Variants in GRID1 observed in about 807,000 individuals in gnomAD.
The protein encoded by GRID1 is glutamate receptor ionotropic, delta-1.
Under a neutral mutation model 98.0 loss-of-function variants are expected in GRID1, and 28 were observed. The ratio of observed to expected loss-of-function variants is 0.29; its 90% CI spans 0.21 to 0.39. The LOEUF is 0.39. Among genes scored for constraint, GRID1 ranks in the 10% least tolerant of loss-of-function variants. The pLI is 1.00. For synonymous variants in GRID1, 553 were observed against 538.5 expected (o/e 1.03, Z -0.37); for missense variants, 1,111 against 1,340.5 (o/e 0.83, Z 2.67).
intron 4 of GRID1, among the ~76,000 whole-genome samples, chr10:86,098,854 T>C (rs1026403679): frequency 7.2e-5 from 11 of 152,248 alleles, no homozygotes; most frequent in Admixed American, 1.3e-4. Flanking sequence ...ATCAGTGTCA[T>C]ACTTAAGCTT....
At chr10:85,873,881 T>C (rs2131797060) in intron 5 of GRID1, among the ~76,000 whole-genome samples, 1 of 152,366 alleles carries the variant, frequency 6.6e-6, no homozygotes, top group East Asian at 1.9e-4. Flanking sequence ...ATAATTCCAA[T>C]ACTCACCACC....
intron 9 of GRID1, 59 bp from the exon 10 acceptor site, chr10:85,728,111 C>A: frequency 8.7e-7 from 1 of 1,154,416 alleles, no homozygotes; most frequent in South Asian, 1.2e-5. Flanking sequence ...ACACATATTT[C>A]CAGTGTAATG....
chr10:86,238,224 C>A (rs1417114998), intron 2 of GRID1, among the ~76,000 whole-genome samples: 2 of 152,226 alleles, frequency 1.3e-5, no homozygotes, highest in Admixed American at 6.5e-5. Context: ...ATTTCAGAGA[C>A]CTTTGCAGCA....
chr10:86,110,509 G>A (rs1190156135), intron 4 of GRID1, among the ~76,000 whole-genome samples: 3 of 152,164 alleles, frequency 2.0e-5, no homozygotes, highest in African/African-American at 7.2e-5. Flanking sequence ...AAGAGGCAAT[G>A]GGGGGAAAGC....
chr10:85,856,762 T>C (rs1425646361), intron 6 of GRID1, among the ~76,000 whole-genome samples: 3 of 152,194 alleles, frequency 2.0e-5, no homozygotes, highest in Non-Finnish European at 4.4e-5. Flanking sequence ...CAATAAAACA[T>C]TATTTTCCAA....
chr10:85,839,251 A>T (rs1842940434), intron 8 of GRID1, among the ~76,000 whole-genome samples: 1 of 152,046 alleles, frequency 6.6e-6, no homozygotes. Context: ...GAGGAAATTA[A>T]GATATTCAAG....
chr10:86,050,895 T>TAAA (rs34448773), intron 4 of GRID1, among the ~76,000 whole-genome samples: 1 of 129,196 alleles, frequency 7.7e-6, no homozygotes, highest in African/African-American at 2.8e-5. Context: ...GAAAAAAAGT[T>TAAA]AAAAAAAAAA....
At chr10:86,025,402 A>C (rs77966295) in intron 4 of GRID1, among the ~76,000 whole-genome samples, 1 of 152,244 alleles carries the variant, frequency 6.6e-6, no homozygotes, top group African/African-American at 2.4e-5. Flanking sequence ...GAGTAACTTG[A>C]CTCACTTGAC....
chr10:85,746,388 T>C (rs557563095), intron 8 of GRID1, among the ~76,000 whole-genome samples: 11 of 152,276 alleles, frequency 7.2e-5, no homozygotes, highest in African/African-American at 2.2e-4. Flanking sequence ...AATAACATCA[T>C]CCTATGCTCT....
chr10:85,695,849 C>G (rs1841387197), intron 12 of GRID1, among the ~76,000 whole-genome samples: 1 of 152,080 alleles, frequency 6.6e-6, no homozygotes, highest in South Asian at 2.1e-4. Context: ...GAATAGGGAG[C>G]ACAAAATACA....
chr10:86,231,875 G>A (rs1458084854), intron 2 of GRID1, among the ~76,000 whole-genome samples: 2 of 152,158 alleles, frequency 1.3e-5, no homozygotes, highest in African/African-American at 4.8e-5. Flanking sequence ...AAGCAGTCCA[G>A]GACCTCCATG....
chr10:85,799,993 T>C (rs1022885205), intron 8 of GRID1, among the ~76,000 whole-genome samples: 5 of 152,088 alleles, frequency 3.3e-5, no homozygotes, highest in African/African-American at 4.8e-5. Flanking sequence ...ACATGCACAA[T>C]TATTATGTGT....
intron 4 of GRID1, among the ~76,000 whole-genome samples, chr10:85,977,426 T>C (rs186794734): frequency 6.6e-6 from 1 of 152,304 alleles, no homozygotes; most frequent in Non-Finnish European, 1.5e-5. Context: ...GGGACTCTGA[T>C]GTTGTAGAAA....
intron 4 of GRID1, chr10:86,052,680 A>T (rs1362034604): frequency 1.3e-5 from 2 of 152,256 alleles, no homozygotes; most frequent in Non-Finnish European, 2.9e-5. Flanking sequence ...TACTACAGAG[A>T]TAAAGAACAA....
intron 8 of GRID1, among the ~76,000 whole-genome samples, chr10:85,740,384 T>C: frequency 6.6e-6 from 1 of 152,316 alleles, no homozygotes; most frequent in South Asian, 2.1e-4. Context: ...GAGATTCTTG[T>C]TGGTTTTAAT....
intron 4 of GRID1, among the ~76,000 whole-genome samples, chr10:86,125,300 G>A (rs893258139): frequency 2.0e-5 from 3 of 152,240 alleles, no homozygotes; most frequent in South Asian, 2.1e-4. Context: ...AGAGTGAACC[G>A]GCAGAGTCAG....
At chr10:85,958,231 A>T (rs576873311) in intron 4 of GRID1, among the ~76,000 whole-genome samples, 1 of 152,330 alleles carries the variant, frequency 6.6e-6, no homozygotes, top group East Asian at 1.9e-4. Flanking sequence ...AGTCTCTCTC[A>T]TGGCACCATA....
intron 8 of GRID1, among the ~76,000 whole-genome samples, chr10:85,799,488 T>C (rs753665027): frequency 6.6e-6 from 1 of 152,142 alleles, no homozygotes; most frequent in African/African-American, 2.4e-5. Context: ...AATGGATGAA[T>C]AGATTTTTAA....
At chr10:85,668,614 T>C (rs1323919927) in intron 12 of GRID1, among the ~76,000 whole-genome samples, 1 of 152,152 alleles carries the variant, frequency 6.6e-6, no homozygotes, top group Non-Finnish European at 1.5e-5. Flanking sequence ...TTTATAGACC[T>C]AAAAAATGAG....
Sources: allele counts gnomAD v4.1 joint callset (sites outside exome capture counted in the v4.1 genomes callset), GRCh38; gene constraint gnomAD v4.1.1; transcripts MANE v1.5; gene names NCBI Gene and HGNC (gene_info 2026-07-23, HGNC 2026-07-21).